The following VCPIP1 variants were observed in gnomAD, a reference collection of about 807,000 sequenced individuals.
VCPIP1 encodes the protein valosin containing protein interacting protein 1, also known as deubiquitinating protein VCPIP1.
Under a neutral mutation model 85.0 loss-of-function variants are expected in VCPIP1, and 8 were observed. That is an observed-to-expected ratio of 0.09 (90% CI 0.06 to 0.17). VCPIP1 has a LOEUF of 0.17. Among genes scored for constraint, VCPIP1 ranks in the 10% least tolerant of loss-of-function variants. VCPIP1 has a pLI of 1.00. For synonymous variants in VCPIP1, 543 were observed against 544.5 expected (o/e 1.00, Z 0.04); for missense variants, 1,070 against 1,486.3 (o/e 0.72, Z 4.61).
chr8:66,664,589 G>C lies in VCPIP1; in HGVS notation c.2370C>G (p.Thr790=). The part of the protein sequence containing the change: ...TTNDGRQSMV[T]LKSSTTFFEL... ...CAAAAAAGGTTGTTGAAGACTTAAG[G>C]GTAACCATGGACTGTCGTCCATCAT... is the stretch of plus-strand genomic sequence containing the variant. Residue 790 remains threonine (T), a synonymous_variant, in exon 1 of 3, where the codon ACC becomes ACG. Coordinates refer to ENST00000310421, the MANE Select transcript of VCPIP1 (RefSeq NM_025054.5). The C allele has an allele frequency of 6.2e-7, 1 of 1,614,106 alleles. No homozygotes were observed. Among genetic ancestry groups the C allele is most frequent in the South Asian group, 1.1e-5 (1 of 91,064 alleles).
chr8:66,661,673 T>C (rs1410386849), intron 1 of VCPIP1, among the ~76,000 whole-genome samples: 1 of 148,474 alleles, frequency 6.7e-6, no homozygotes, highest in African/African-American at 2.5e-5. Context: ...GTAGCAGAGG[T>C]TGCAATGAGC....
intron 2 of VCPIP1, 35 bp downstream of exon 2, chr8:66,651,423 G>T: frequency 1.4e-6 from 2 of 1,462,454 alleles, no homozygotes; most frequent in Middle Eastern, 1.8e-4. Flanking sequence ...CTTCAGTAGA[G>T]CTATTATTTA....
chr8:66,664,357 T>G lies in VCPIP1; in HGVS notation c.2602A>C (p.Thr868Pro). The part of the protein sequence containing the change: ...GQSAAAHSAH[T>P]VKQEDIAVTG... ...ACAGCAATATCTTCTTGTTTCACAG[T>G]GTGGGCTGAGTGTGCTGCAGCAGAC... Residue 868 changes from threonine (T) to proline (P), a missense_variant, in exon 1 of 3, where the codon ACT (threonine) becomes CCT (proline). This residue lies in a region of VCPIP1 where 278 missense variants were observed against 298.5 expected (regional missense o/e 0.93). Transcript: ENST00000310421. The G allele has an allele frequency of 6.2e-7, 1 of 1,613,834 alleles. No homozygotes were observed. Among genetic ancestry groups the G allele is most frequent in the Non-Finnish European group, 8.5e-7 (1 of 1,179,720 alleles).
chr8:66,630,575 CTTT>C lies in VCPIP1; in HGVS notation c.*3923_*3925del, dbSNP rs1260639972. The C allele has an allele frequency of 2.0e-5, 3 of 152,470 alleles. No individual in the cohort carries two copies. The highest frequency in any genetic ancestry group is 7.2e-5 in the African/African-American group (3 of 41,410). 9.4% of individuals were successfully genotyped at this position (152,470 alleles called of 1,614,324 possible). ...CACAAGCAGGTAACATCAACTAAAA[CTTT>C]TTTCTTTACTAATTTTTCCTTTTCT... On this transcript the variant is annotated 3_prime_UTR_variant, in exon 3 of 3. Transcript: ENST00000310421.
In VCPIP1 at chr8:66,666,933, G is replaced by A. The variant is rs1437511840; in HGVS notation, c.26C>T (p.Pro9Leu). 2 of 1,566,006 alleles carry A rather than the reference G, an allele frequency of 1.3e-6. No individual in the cohort carries two copies. The highest frequency in any genetic ancestry group is 2.3e-5 in the South Asian group (2 of 86,220). MSQPPPPP[P>L]PLPPPPPPPE... ...GGGAGGAGGTGGCGGCGGCAACGGA[G>A]GCGGCGGCGGCGGCGGCTGAGACAT... Residue 9 changes from proline to leucine, a missense_variant, in exon 1 of 3, where the codon CCT becomes CTT. Pro to Leu is a moderately conservative substitution (Grantham distance 98). Transcript: ENST00000310421. This position sits in a 1 kb window ranked among gnomAD's most constrained non-coding sequence, Gnocchi z 6.3.
intron 2 of VCPIP1, among the ~76,000 whole-genome samples, chr8:66,647,367 G>A (rs1811007489): frequency 6.6e-6 from 1 of 151,110 alleles, no homozygotes; most frequent in African/African-American, 2.4e-5. Context: ...AAATAAGTAA[G>A]TAAATAAATA....
At chr8:66,662,745 G>A (rs138620710) in intron 1 of VCPIP1, among the ~76,000 whole-genome samples, 6 of 151,520 alleles carry the variant, frequency 4.0e-5, no homozygotes, top group African/African-American at 9.7e-5. Flanking sequence ...GCCGTGGCGC[G>A]ATCTAGGCTC....
chr8:66,666,963 C>G lies in VCPIP1; in HGVS notation c.-5G>C. ...CGGCGGCGGCGGCTGAGACATAGCT[C>G]CTGGCTCTCGTGTCTCGCTCCGCGT... On this transcript the variant is annotated 5_prime_UTR_variant, in exon 1 of 3. Coordinates refer to ENST00000310421, the MANE Select transcript of VCPIP1 (RefSeq NM_025054.5). This position sits in a 1 kb window ranked among gnomAD's most constrained non-coding sequence, Gnocchi z 6.3. 6.4e-7 allele frequency: 1 copy of G among 1,552,628 alleles called. No individual in the cohort carries two copies. Among genetic ancestry groups the G allele is most frequent in the Non-Finnish European group, 8.6e-7 (1 of 1,156,352 alleles).
Position 66,664,834 on chromosome 8 carries a change from T to C in VCPIP1, c.2125A>G (p.Met709Val), listed in dbSNP as rs766197573. 2 of 1,613,846 alleles carry C rather than the reference T, an allele frequency of 1.2e-6. No individual in the cohort carries two copies. The highest frequency in any genetic ancestry group is 2.2e-5 in the South Asian group (2 of 91,052). ...TKTLHKEELNMSKTERTIQQN... is the reference protein window; with the variant it reads ...TKTLHKEELNVSKTERTIQQN... ...TGAATAGTTCTTTCAGTTTTACTCA[T>C]GTTTAACTCCTCCTTGTGCAAAGTT... The change falls in exon 1 of 3, where the codon ATG becomes GTG. Residue 709 changes from methionine (M) to valine (V), a missense_variant. Transcript: ENST00000310421.
chr8:66,662,156 G>A (rs146422290), intron 1 of VCPIP1, among the ~76,000 whole-genome samples: 128 of 152,140 alleles, frequency 8.4e-4, no homozygotes, highest in Admixed American at 3.4e-3. Context: ...AAGTGAACAC[G>A]TCCTTATCTG....
chr8:66,654,618 T>G (rs1331387164), intron 1 of VCPIP1, among the ~76,000 whole-genome samples: 1 of 152,240 alleles, frequency 6.6e-6, no homozygotes, highest in Non-Finnish European at 1.5e-5. Flanking sequence ...GAAGGTCATG[T>G]TTGTTGGTAC....
intron 1 of VCPIP1, among the ~76,000 whole-genome samples, chr8:66,652,986 T>G (rs1421303547): frequency 2.0e-5 from 3 of 152,244 alleles, no homozygotes; most frequent in African/African-American, 7.2e-5. Flanking sequence ...TGCTAATTAA[T>G]CACTATGTAC....
Position 66,664,748 on chromosome 8 carries a change from T to G in VCPIP1, c.2211A>C (p.Gln737His). ...CAGTCCTGGGTTGCCCTTTTTGTTC[T>G]TGTTTTAACTTCTCTGTTTTCCGTT... is the stretch of plus-strand genomic sequence containing the variant. ...MQKRKTEKLK[Q>H]EQKGQPRTVS... Residue 737 changes from glutamine to histidine, a missense_variant, in exon 1 of 3, where the codon CAA becomes CAC. Transcript: ENST00000310421. 1.2e-6 allele frequency: 2 copies of G among 1,613,262 alleles called. No individual in the cohort carries two copies. Among genetic ancestry groups the G allele is most frequent in the South Asian group, 2.2e-5 (2 of 91,002 alleles).
At chr8:66,655,624 G>A (rs1383420533) in intron 1 of VCPIP1, among the ~76,000 whole-genome samples, 1 of 151,972 alleles carries the variant, frequency 6.6e-6, no homozygotes, top group African/African-American at 2.4e-5. Context: ...TACAACTAAT[G>A]ATTATATGCT....
chr8:66,666,230 T>C lies in VCPIP1; in HGVS notation c.729A>G (p.Lys243=). The change falls in exon 1 of 3, where the codon AAA becomes AAG. Residue 243 remains lysine, a synonymous_variant. Transcript: ENST00000310421. The surrounding 1 kb of genome is among the most constrained non-coding windows in gnomAD (Gnocchi z 6.3). ...LFWHALRENL[K]QHFQQHLARY... is the part of the protein sequence containing the mutation. ...GGGCCAGGTGCTGCTGAAAGTGCTGTTTAAGATTCTCTCTTAAGGCATGCC... is the reference window on the plus strand; with the variant it reads ...GGGCCAGGTGCTGCTGAAAGTGCTGCTTAAGATTCTCTCTTAAGGCATGCC... 6.2e-7 allele frequency: 1 copy of C among 1,614,024 alleles called. No homozygotes were observed. The highest frequency in any genetic ancestry group is 8.5e-7 in the Non-Finnish European group (1 of 1,179,992).
intron 2 of VCPIP1, among the ~76,000 whole-genome samples, chr8:66,638,970 C>CTCTCTCTATATATATATATATATA: frequency 5.9e-5 from 7 of 118,438 alleles, no homozygotes; most frequent in African/African-American, 2.3e-4. Context: ...CTCTCTCTCT[C>CTCTCTCTATATATATATATATATA]TATATATATA....
rs1810828743 is a variant in VCPIP1, at chr8:66,630,900, ACTAAGGAATATTTTCATGTG to A, written c.*3581_*3600del. ...GTTTTATTTCTTAAATATACATTCT[ACTAAGGAATATTTTCATGTG>A]AACAGCTCTGGTTTGAAAAATTAAT... On this transcript the variant is annotated 3_prime_UTR_variant, in exon 3 of 3. Coordinates refer to ENST00000310421, the MANE Select transcript of VCPIP1 (RefSeq NM_025054.5). 1 of 152,534 alleles carries A rather than the reference ACTAAGGAATATTTTCATGTG, an allele frequency of 6.6e-6. No individual in the cohort carries two copies. The highest frequency in any genetic ancestry group is 1.5e-5 in the Non-Finnish European group (1 of 67,966). The allele number at this position is 152,534 out of a possible 1,614,324, so 9.4% of individuals were successfully genotyped here.
At chr8:66,655,951 C>A (rs1272836152) in intron 1 of VCPIP1, among the ~76,000 whole-genome samples, 2 of 152,090 alleles carry the variant, frequency 1.3e-5, no homozygotes, top group Non-Finnish European at 2.9e-5. Context: ...CCCCTCATAA[C>A]CTTCAATCTT....
At chr8:66,652,607 C>CT (rs546713171) in intron 1 of VCPIP1, among the ~76,000 whole-genome samples, 140 of 148,024 alleles carry the variant, frequency 9.5e-4, no homozygotes, top group African/African-American at 3.3e-3. Flanking sequence ...GAGCAAAACT[C>CT]TATCTCAAAA....
Sources: gnomAD v4.1 joint callset for allele counts (sites outside exome capture counted in the v4.1 genomes callset) on GRCh38, gnomAD v4.1.1 for gene constraint, gnomAD v4.1.1 regional missense constraint, Gnocchi (gnomAD v3.1) non-coding constraint, MANE v1.5 for transcripts, NCBI Gene and HGNC (gene_info 2026-07-23, HGNC 2026-07-21) for gene names.